Variants in UBE2E1 observed in about 807,000 individuals in gnomAD.
UBE2E1 encodes ubiquitin conjugating enzyme E2 E1.
Under a neutral mutation model 21.4 loss-of-function variants are expected in UBE2E1, and 6 were observed. The observed-to-expected ratio is 0.28, with a 90% CI of 0.15 to 0.55. The LOEUF (loss-of-function observed/expected upper bound fraction) is 0.55. Among genes scored for constraint, UBE2E1 ranks in the 20% least tolerant of loss-of-function variants. The pLI, the probability that UBE2E1 is intolerant of heterozygous loss-of-function variation, is 0.93. For missense variants in UBE2E1, 142 were observed against 236.5 expected, an observed-to-expected ratio of 0.60 and a Z score of 2.62; for synonymous variants, 87 against 82.7, an observed-to-expected ratio of 1.05 and a Z score of -0.28.
At position 23,858,424 on chromosome 3, in the gene UBE2E1, A is replaced by G. The variant is rs186415213; in HGVS notation, c.204-29143A>G. Among the ~76,000 whole-genome samples, 1,012 of 152,222 alleles carry G rather than the reference A, an allele frequency of 6.6e-3. 14 individuals are homozygous for G. The highest frequency in any genetic ancestry group is 0.023 in the African/African-American group (937 of 41,536). ...AACCTCTGCCTCCTGGGTTCAAGCA[A>G]TTCTCCTGCCTCAGCCTCCCGAGTA... On this transcript the variant is annotated intron_variant, in intron 3 of 5. Transcript: ENST00000306627.
intron 3 of UBE2E1, among the ~76,000 whole-genome samples, chr3:23,886,072 A>AT (rs1192091930): frequency 1.3e-5 from 2 of 152,064 alleles, no homozygotes; most frequent in African/African-American, 4.8e-5. Flanking sequence ...ATGGTGGTGC[A>AT]TGCCTGTAGT....
chr3:23,880,750 A>G (rs970083895), intron 3 of UBE2E1, among the ~76,000 whole-genome samples: 4 of 152,236 alleles, frequency 2.6e-5, no homozygotes, highest in African/African-American at 9.6e-5. Flanking sequence ...TTTTAAAACA[A>G]AAAGAAAACA....
rs1243697702 is a variant in UBE2E1 at position 23,863,500 on chromosome 3, T to G, written c.204-24067T>G. On this transcript the variant is annotated intron_variant, in intron 3 of 5. Transcript: ENST00000306627. The surrounding 1 kb of genome is among the most constrained non-coding windows in gnomAD (Gnocchi z 4.3). ...TTATCTAAAAGTCCTCAAAAGACAT[T>G]CAGATGCATAGGTTTTATATAAATT... Among the ~76,000 whole-genome samples the G allele has an allele frequency of 6.6e-6, 1 of 152,148 alleles. No individual in the cohort carries two copies. Among genetic ancestry groups the G allele is most frequent in the Non-Finnish European group, 1.5e-5 (1 of 68,034 alleles).
At chr3:23,807,158 C>G in intron 1 of UBE2E1, 79 bp from the exon 2 acceptor site, 1 of 1,299,654 alleles carries the variant, frequency 7.7e-7, no homozygotes, top group Non-Finnish European at 1.0e-6. Context: ...GGTCAATGCC[C>G]TCCTGACAGC....
intron 3 of UBE2E1, among the ~76,000 whole-genome samples, chr3:23,852,300 G>C (rs1700342783): frequency 6.6e-6 from 1 of 152,092 alleles, no homozygotes; most frequent in African/African-American, 2.4e-5. Context: ...TTATTTCAAT[G>C]ATGGTTTTTA....
At chr3:23,873,253 TC>T (rs1252840669) in intron 3 of UBE2E1, among the ~76,000 whole-genome samples, 1 of 152,160 alleles carries the variant, frequency 6.6e-6, no homozygotes, top group Admixed American at 6.5e-5. Flanking sequence ...TTTATGGGGC[TC>T]CCTTGAAAGG....
intron 3 of UBE2E1, among the ~76,000 whole-genome samples, chr3:23,854,825 G>A (rs574340780): frequency 2.4e-4 from 37 of 152,244 alleles, no homozygotes; most frequent in African/African-American, 8.7e-4. Context: ...GGTTACATGA[G>A]AATTCACTGA....
rs537608837 is a variant in UBE2E1, at chr3:23,848,328, G to A, written c.203+36818G>A. ...TCTTAAAAATACAAAAATTAGCTGG[G>A]TGTGGTGGCCACATGCTTGTAATTC... On this transcript the variant is annotated intron_variant, in intron 3 of 5. Transcript: ENST00000306627. Among the ~76,000 whole-genome samples the A allele has an allele frequency of 5.6e-4, 85 of 152,124 alleles. 1 individual carries two copies. Among genetic ancestry groups the A allele is most frequent in the Non-Finnish European group, 6.3e-4 (43 of 68,030 alleles).
chr3:23,885,952 T>A (rs182680298), intron 3 of UBE2E1, among the ~76,000 whole-genome samples: 10 of 152,150 alleles, frequency 6.6e-5, no homozygotes, highest in Admixed American at 5.2e-4. Flanking sequence ...ATCCCAGCAC[T>A]CTGGGAGGCT....
chr3:23,869,350 CCTTTTTTTTTTTT>C (rs1352571624), intron 3 of UBE2E1, among the ~76,000 whole-genome samples: 1 of 64,052 alleles, frequency 1.6e-5, no homozygotes, highest in Non-Finnish European at 2.9e-5. Context: ...TTTATGGTAT[CCTTTTTTTTTTTT>C]TTTTTTTTTT....
chr3:23,826,299 T>A (rs1699758800), intron 3 of UBE2E1, among the ~76,000 whole-genome samples: 1 of 152,200 alleles, frequency 6.6e-6, no homozygotes, highest in Non-Finnish European at 1.5e-5. Flanking sequence ...GGTCTTGACG[T>A]AAAGGTTGGA....
Position 23,876,782 on chromosome 3 carries a change from C to A in UBE2E1, c.204-10785C>A, listed in dbSNP as rs1559492788. ...TCTAGAAAATCAGAACTGTGGCTCA[C>A]TACTGTAATGTCAGTGCTTTCAGAG... is the stretch of plus-strand genomic sequence containing the variant. On this transcript the variant is annotated intron_variant, in intron 3 of 5. Coordinates refer to ENST00000306627, the MANE Select transcript of UBE2E1 (RefSeq NM_003341.5). This position sits in a 1 kb window ranked among gnomAD's most constrained non-coding sequence, Gnocchi z 4.3. Among the ~76,000 whole-genome samples, 1 of 152,140 alleles carries A rather than the reference C, an allele frequency of 6.6e-6. No individual in the cohort carries two copies. Among genetic ancestry groups the A allele is most frequent in the African/African-American group, 2.4e-5 (1 of 41,436 alleles).
At chr3:23,817,216 G>T (rs1242513897) in intron 3 of UBE2E1, among the ~76,000 whole-genome samples, 2 of 152,148 alleles carry the variant, frequency 1.3e-5, no homozygotes, top group African/African-American at 4.8e-5. Context: ...GCCAAGGCGG[G>T]TAGATCACCT....
At chr3:23,837,146 A>G (rs889016009) in intron 3 of UBE2E1, among the ~76,000 whole-genome samples, 6 of 152,238 alleles carry the variant, frequency 3.9e-5, no homozygotes, top group Admixed American at 1.3e-4. Flanking sequence ...TTAGAAATGT[A>G]TATAAAGCAC....
At chr3:23,812,005 T>C (rs1019829106) in intron 3 of UBE2E1, among the ~76,000 whole-genome samples, 3 of 152,372 alleles carry the variant, frequency 2.0e-5, no homozygotes, top group African/African-American at 7.2e-5. Context: ...AATTTCTGGC[T>C]TTGATAAAGG....
intron 3 of UBE2E1, among the ~76,000 whole-genome samples, chr3:23,857,458 T>C (rs1700467470): frequency 6.6e-6 from 1 of 152,186 alleles, no homozygotes; most frequent in African/African-American, 2.4e-5. Flanking sequence ...CCAAGACAAC[T>C]GAGAAGTCCT....
At chr3:23,824,944 C>T (rs1699723931) in intron 3 of UBE2E1, among the ~76,000 whole-genome samples, 1 of 152,108 alleles carries the variant, frequency 6.6e-6, no homozygotes, top group Admixed American at 6.5e-5. Flanking sequence ...ATTTTGTGTA[C>T]CCAGACTGTA....
chr3:23,879,265 A>C, intron 3 of UBE2E1: 1 of 865,344 alleles, frequency 1.2e-6, no homozygotes, highest in Non-Finnish European at 1.8e-6. Context: ...ACTTTGTCCT[A>C]AACACCTACA....
intron 3 of UBE2E1, among the ~76,000 whole-genome samples, chr3:23,872,255 C>A (rs2125321009): frequency 2.0e-5 from 3 of 152,216 alleles, no homozygotes; most frequent in Middle Eastern, 6.8e-3. Context: ...CGCCTGCAAT[C>A]ACAGGCACTC....
Sources: gnomAD v4.1 joint callset for allele counts (sites outside exome capture counted in the v4.1 genomes callset) on GRCh38, gnomAD v4.1.1 for gene constraint, Gnocchi (gnomAD v3.1) non-coding constraint, MANE v1.5 for transcripts, NCBI Gene and HGNC (gene_info 2026-07-23, HGNC 2026-07-21) for gene names.